GLT8D2: variants seen among roughly 807,000 people sequenced by gnomAD.
GLT8D2 encodes the protein glycosyltransferase 8 domain containing 2.
In GLT8D2, 45 loss-of-function variants were observed where a neutral mutation model predicts 44.5. That is an observed-to-expected ratio of 1.01 (90% CI 0.80 to 1.30). The LOEUF (loss-of-function observed/expected upper bound fraction) is 1.30. Among genes scored for constraint, GLT8D2 ranks in the 50% most tolerant of loss-of-function variants. GLT8D2 has a pLI of 0.00. For synonymous variants in GLT8D2, 156 were observed against 157.2 expected, an observed-to-expected ratio of 0.99 and a Z score of 0.06; for missense variants, 400 against 430.4, an observed-to-expected ratio of 0.93 and a Z score of 0.62.
At chr12:104,009,857 T>C (rs1015265184) in intron 4 of GLT8D2, among the ~76,000 whole-genome samples, 1 of 152,202 alleles carries the variant, frequency 6.6e-6, no homozygotes, top group Non-Finnish European at 1.5e-5. Context: ...CTTTTGCTGC[T>C]GCCATGTAAG....
intron 1 of GLT8D2, among the ~76,000 whole-genome samples, chr12:104,026,504 G>T (rs372856088): frequency 6.6e-6 from 1 of 151,972 alleles, no homozygotes; most frequent in African/African-American, 2.4e-5. Flanking sequence ...TTTGTTTCCC[G>T]GTTTTCCCAA....
chr12:104,055,897 T>C (rs931902882), intron 1 of GLT8D2, among the ~76,000 whole-genome samples: 10 of 152,184 alleles, frequency 6.6e-5, no homozygotes, highest in Non-Finnish European at 1.5e-5. Flanking sequence ...GGGGCAGGAA[T>C]TACCATAGCA....
At chr12:104,064,205 C>T (rs1478103179), upstream of GLT8D2, 2 of 189,552 alleles carry the variant, frequency 1.1e-5, no homozygotes, top group African/African-American at 4.7e-5. The surrounding 1 kb of genome is among the most constrained non-coding windows in gnomAD (Gnocchi z 7.3). Flanking sequence ...GCCCACACAT[C>T]CTAGATGCTC....
intron 6 of GLT8D2, among the ~76,000 whole-genome samples, chr12:103,999,119 G>T (rs561192490): frequency 6.6e-6 from 1 of 152,186 alleles, no homozygotes; most frequent in African/African-American, 2.4e-5. Context: ...CCCTCCTCCA[G>T]CTCCCACCCC....
At chr12:103,998,341 C>G (rs1317208484) in intron 6 of GLT8D2, among the ~76,000 whole-genome samples, 1 of 151,482 alleles carries the variant, frequency 6.6e-6, no homozygotes, top group Non-Finnish European at 1.5e-5. Context: ...CTCAAACAAT[C>G]CTCCCACCTC....
intron 1 of GLT8D2, among the ~76,000 whole-genome samples, chr12:104,022,754 ACACACACACACACACATG>A (rs1288326034): frequency 4.0e-5 from 6 of 151,372 alleles, no homozygotes; most frequent in Admixed American, 1.3e-4. Context: ...GATTCTACAC[ACACACACACACACACATG>A]CACACACACA....
upstream of GLT8D2, among the ~76,000 whole-genome samples, chr12:104,050,790 A>G (rs1566215369): frequency 6.6e-6 from 1 of 151,292 alleles, no homozygotes; most frequent in Non-Finnish European, 1.5e-5. Flanking sequence ...TCCAACAGAA[A>G]TAAAATGCAA....
intron 1 of GLT8D2, among the ~76,000 whole-genome samples, chr12:104,063,583 G>A (rs1395199698): frequency 1.3e-5 from 2 of 152,182 alleles, no homozygotes; most frequent in East Asian, 3.8e-4. Flanking sequence ...ACTGCTACCA[G>A]AGGCAGTATG....
chr12:104,001,126 C>T (rs1362351467), intron 5 of GLT8D2, among the ~76,000 whole-genome samples: 1 of 152,154 alleles, frequency 6.6e-6, no homozygotes, highest in African/African-American at 2.4e-5. Flanking sequence ...TTTTGAATTT[C>T]CTAAAGTAGA....
chr12:104,024,470 T>G (rs1378504087), intron 1 of GLT8D2, among the ~76,000 whole-genome samples: 1 of 152,102 alleles, frequency 6.6e-6, no homozygotes, highest in East Asian at 1.9e-4. Flanking sequence ...ACTGACAATC[T>G]TTTTTCCTGA....
intron 4 of GLT8D2, among the ~76,000 whole-genome samples, chr12:104,008,523 C>T (rs1160661899): frequency 4.6e-5 from 7 of 151,892 alleles, no homozygotes; most frequent in African/African-American, 1.7e-4. Context: ...CATAAGAGTT[C>T]AGAAAATTTG....
intron 8 of GLT8D2, among the ~76,000 whole-genome samples, chr12:103,995,641 G>A (rs992189255): frequency 5.3e-5 from 8 of 152,146 alleles, no homozygotes; most frequent in Non-Finnish European, 8.8e-5. Flanking sequence ...AGGAGTTTTC[G>A]TTTTGCTCAC....
At chr12:104,021,091 T>C (rs540391700) in intron 2 of GLT8D2, among the ~76,000 whole-genome samples, 2 of 152,350 alleles carry the variant, frequency 1.3e-5, no homozygotes, top group Admixed American at 6.5e-5. Context: ...GTATCTTTCA[T>C]GTTTTTTGTT....
intron 1 of GLT8D2, among the ~76,000 whole-genome samples, chr12:104,044,725 G>A (rs1289893100): frequency 6.6e-6 from 1 of 152,198 alleles, no homozygotes; most frequent in Non-Finnish European, 1.5e-5. Context: ...AACGGCCATA[G>A]TAACTTTTTT....
At chr12:103,998,466 A>G (rs1395089712) in intron 6 of GLT8D2, among the ~76,000 whole-genome samples, 3 of 151,876 alleles carry the variant, frequency 2.0e-5, no homozygotes, top group Non-Finnish European at 2.9e-5. Context: ...CTGGAGTGCA[A>G]TAGTGCAATC....
intron 1 of GLT8D2, among the ~76,000 whole-genome samples, chr12:104,041,001 T>A (rs1430199662): frequency 6.6e-6 from 1 of 152,016 alleles, no homozygotes; most frequent in Non-Finnish European, 1.5e-5. Flanking sequence ...GCACGGTGGC[T>A]CACGCCTGTA....
intron 1 of GLT8D2, among the ~76,000 whole-genome samples, chr12:104,033,922 A>G (rs919757831): frequency 7.9e-5 from 12 of 152,100 alleles, no homozygotes; most frequent in East Asian, 1.9e-4. Context: ...GGTTCTATCA[A>G]TCCTCCCACC....
At chr12:103,990,108 T>TCTGTAGG in intron 10 of GLT8D2, among the ~76,000 whole-genome samples, 1 of 89,210 alleles carries the variant, frequency 1.1e-5, no homozygotes, top group African/African-American at 4.1e-5. Flanking sequence ...TATATATATA[T>TCTGTAGG]ATATATATAT....
chr12:103,998,071 G>A (rs11111864), intron 6 of GLT8D2, among the ~76,000 whole-genome samples: 12,888 of 152,032 alleles, frequency 0.085, 853 homozygotes, highest in East Asian at 0.31. Flanking sequence ...TGCTTCCTCC[G>A]AAGTCATGGC....
Sources: allele counts gnomAD v4.1 joint callset (sites outside exome capture counted in the v4.1 genomes callset), GRCh38; gene constraint gnomAD v4.1.1; non-coding constraint Gnocchi (gnomAD v3.1); transcripts MANE v1.5; gene names NCBI Gene and HGNC (gene_info 2026-07-23, HGNC 2026-07-21).